The following WARS1 variants were observed in gnomAD, a reference collection of about 807,000 sequenced individuals.
The protein encoded by WARS1 is tryptophanyl-tRNA synthetase 1.
A neutral mutation model predicts 47.8 loss-of-function variants in WARS1; 17 were observed. The observed-to-expected ratio is 0.36, with a 90% CI of 0.24 to 0.53. The LOEUF (loss-of-function observed/expected upper bound fraction) is 0.53, where lower values mean the gene tolerates loss of function less well. Among genes scored for constraint, WARS1 ranks in the 20% least tolerant of loss-of-function variants. The pLI, the probability that WARS1 is intolerant of heterozygous loss-of-function variation, is 0.91. For missense variants in WARS1, 434 were observed against 608.0 expected (o/e 0.71, Z 3.01); for synonymous variants, 208 against 228.1 (o/e 0.91, Z 0.79).
rs1461906437 is a variant in WARS1 at position 100,337,260 on chromosome 14, A to T, written c.1114-58T>A. ...AGTCCTGCTCATCCTGTGCCTGGAC[A>T]CTGGCTAGAAGCCCAAGTGTGGAAG... On this transcript the variant is annotated intron_variant, in intron 9 of 10. Coordinates refer to ENST00000392882, the MANE Select transcript of WARS1 (RefSeq NM_004184.4). 10 of 1,585,608 alleles carry T rather than the reference A, an allele frequency of 6.3e-6. No homozygotes were observed. The African/African-American group carries it at 1.2e-4, about 19-fold the overall frequency.
At chr14:100,335,149 G>A (rs1388542083) in intron 10 of WARS1, 113 bp from the exon 11 acceptor site, 5 of 991,934 alleles carry the variant, frequency 5.0e-6, no homozygotes, top group East Asian at 2.5e-5. Context: ...TGGCACGTGG[G>A]TGGCACTCAG....
At chr14:100,338,595 C>T (rs890553303) in intron 9 of WARS1, among the ~76,000 whole-genome samples, 8 of 149,918 alleles carry the variant, frequency 5.3e-5, no homozygotes, top group African/African-American at 1.2e-4. Flanking sequence ...TCACCATGCC[C>T]GGCTAATTTT....
At chr14:100,344,476 C>G (rs960349224) in intron 7 of WARS1, among the ~76,000 whole-genome samples, 1 of 152,084 alleles carries the variant, frequency 6.6e-6, no homozygotes, top group Admixed American at 6.5e-5. Flanking sequence ...CCCAAAGTGC[C>G]GAGATTGCAG....
At chr14:100,356,834 G>T (rs1895352774) in intron 4 of WARS1, among the ~76,000 whole-genome samples, 1 of 152,108 alleles carries the variant, frequency 6.6e-6, no homozygotes, top group South Asian at 2.1e-4. Context: ...GACATTAAAA[G>T]AAAACTACAG....
At chr14:100,363,265 CA>C (rs72280586) in intron 2 of WARS1, among the ~76,000 whole-genome samples, 25,536 of 152,164 alleles carry the variant, frequency 0.17, 2,421 homozygotes, top group Non-Finnish European at 0.22. Context: ...GAAAGTCAAA[CA>C]TTTAACCAAT....
intron 2 of WARS1, chr14:100,366,642 G>C: frequency 1.3e-6 from 1 of 765,228 alleles, no homozygotes; most frequent in Non-Finnish European, 2.4e-6. Context: ...CATGGACATG[G>C]ACATGAGCAT....
At chr14:100,374,058 G>C (rs1421842472) in intron 1 of WARS1, 3 of 152,178 alleles carry the variant, frequency 2.0e-5, no homozygotes. Context: ...TTGGAGTTCA[G>C]GAACATCTGA....
At chr14:100,337,751 G>A (rs945909512) in intron 9 of WARS1, among the ~76,000 whole-genome samples, 2 of 151,408 alleles carry the variant, frequency 1.3e-5, no homozygotes, top group Non-Finnish European at 2.9e-5. Flanking sequence ...CTAGCGACTC[G>A]GGAGGCTGAG....
At position 100,368,434 on chromosome 14, in the gene WARS1, C is replaced by T. The variant is rs139626619; in HGVS notation, c.99+653G>A. 1.1e-4 allele frequency: 52 copies of T among 455,952 alleles called. No homozygotes were observed. In the East Asian group the frequency reaches 3.2e-3, roughly 28 times the overall value. 28.2% of individuals were successfully genotyped at this position (455,952 alleles called of 1,614,324 possible). ...TGGACGGGAAGTGGTTGTGAAGGTA[C>T]GAATGCTTCATTTCCACCTGAAAGA... On this transcript the variant is annotated intron_variant, in intron 2 of 10. Coordinates refer to ENST00000392882, the MANE Select transcript of WARS1 (RefSeq NM_004184.4).
rs749507609 is a variant in WARS1, at chr14:100,373,929, G to T, written c.-74+1354C>A. ...GGAACTACCATCTTCCTCATTTCAC[G>T]CATTTATGAGTTTACCCCATTTCCT... On this transcript the variant is annotated intron_variant, in intron 1 of 10. Coordinates refer to ENST00000392882, the MANE Select transcript of WARS1 (RefSeq NM_004184.4). The surrounding 1 kb of genome is among the most constrained non-coding windows in gnomAD (Gnocchi z 4.4). The T allele has an allele frequency of 2.0e-5, 3 of 151,514 alleles. No homozygotes were observed. The highest frequency in any genetic ancestry group is 4.4e-5 in the Non-Finnish European group (3 of 67,944). 9.4% of individuals were successfully genotyped at this position (151,514 alleles called of 1,614,324 possible).
intron 2 of WARS1, chr14:100,365,937 T>G: frequency 2.2e-6 from 1 of 444,834 alleles, no homozygotes. Flanking sequence ...CGGGCCTTAG[T>G]GACCTTGCGC....
rs973312107 is a variant in WARS1 at position 100,342,563 on chromosome 14, G to A, written c.948C>T (p.Tyr316=). The change falls in exon 9 of 11, where the codon TAC becomes TAT. Residue 316 remains tyrosine, a synonymous_variant. Coordinates refer to ENST00000392882, the MANE Select transcript of WARS1 (RefSeq NM_004184.4). ...LIPCAIDQDP[Y]FRMTRDVAPR... is the part of the protein sequence containing the mutation. ...GGGCGACGTCCCTTGTCATTCTAAA[G>A]TAAGGATCCTGTGGGGAGAGTAAGG... 1.4e-5 allele frequency: 22 copies of A among 1,610,814 alleles called. No individual in the cohort carries two copies. The highest frequency in any genetic ancestry group is 1.9e-5 in the Non-Finnish European group (22 of 1,178,570).
intron 4 of WARS1, among the ~76,000 whole-genome samples, chr14:100,355,791 AT>A (rs994027035): frequency 1.1e-4 from 17 of 152,070 alleles, no homozygotes; most frequent in Admixed American, 5.2e-4. Context: ...CTTAGTTTTC[AT>A]TTTTTTTCCC....
In WARS1 at chr14:100,373,866, A is replaced by G. The variant is rs1896486695; in HGVS notation, c.-74+1417T>C. ...TGTGTGTGTGTGTGTGTGTGTGTGT[A>G]TGATGCAACTTTCTGTGTGGTCAGA... is the stretch of plus-strand genomic sequence containing the variant. On this transcript the variant is annotated intron_variant, in intron 1 of 10. Coordinates refer to ENST00000392882, the MANE Select transcript of WARS1 (RefSeq NM_004184.4). This position sits in a 1 kb window ranked among gnomAD's most constrained non-coding sequence, Gnocchi z 4.4. 1 of 137,972 alleles carries G rather than the reference A, an allele frequency of 7.2e-6. No individual in the cohort carries two copies. Among genetic ancestry groups the G allele is most frequent in the Non-Finnish European group, 1.6e-5 (1 of 63,678 alleles). 8.5% of individuals were successfully genotyped at this position (137,972 alleles called of 1,614,324 possible).
chr14:100,342,606 C>T (rs1293688599), intron 8 of WARS1, 35 bp from the exon 9 acceptor site: 4 of 1,572,160 alleles, frequency 2.5e-6, no homozygotes, highest in Non-Finnish European at 3.5e-6. Flanking sequence ...TGAGGGCGGC[C>T]AGAAAACATG....
intron 2 of WARS1, chr14:100,367,045 G>T: frequency 1.4e-6 from 1 of 719,650 alleles, no homozygotes; most frequent in Non-Finnish European, 2.2e-6. Flanking sequence ...AGTAAAATAA[G>T]ATTAAAAAAA....
rs59475595 is a variant in WARS1 at position 100,373,824 on chromosome 14, TTGTGTGTGTGTGTGTGTG to T, written c.-74+1441_-74+1458del. Among the ~76,000 whole-genome samples, 167 of 148,152 alleles carry T rather than the reference TTGTGTGTGTGTGTGTGTG, an allele frequency of 1.1e-3. No individual in the cohort carries two copies. The highest frequency in any genetic ancestry group is 2.0e-3 in the Admixed American group (29 of 14,802). ...GGGAATCATCCACACTATTGAAATC[TTGTGTGTGTGTGTGTGTG>T]TGTGTGTGTGTGTGTGTGTGTGTAT... On this transcript the variant is annotated intron_variant, in intron 1 of 10. Coordinates refer to ENST00000392882, the MANE Select transcript of WARS1 (RefSeq NM_004184.4). The surrounding 1 kb of genome is among the most constrained non-coding windows in gnomAD (Gnocchi z 4.4).
intron 2 of WARS1, chr14:100,366,728 A>C: frequency 2.4e-6 from 2 of 824,816 alleles, no homozygotes; most frequent in South Asian, 1.3e-5. Flanking sequence ...TATCCAGAAG[A>C]AGCTGGCTGA....
At chr14:100,338,016 CATA>C (rs1157161354) in intron 9 of WARS1, among the ~76,000 whole-genome samples, 1 of 152,024 alleles carries the variant, frequency 6.6e-6, no homozygotes, top group East Asian at 1.9e-4. Flanking sequence ...ACACAGAAAG[CATA>C]ACAAGAAGGC....
Sources: gnomAD v4.1 joint callset for allele counts (sites outside exome capture counted in the v4.1 genomes callset) on GRCh38, gnomAD v4.1.1 for gene constraint, Gnocchi (gnomAD v3.1) non-coding constraint, MANE v1.5 for transcripts, NCBI Gene and HGNC (gene_info 2026-07-23, HGNC 2026-07-21) for gene names.